PDIA4: variants seen among roughly 807,000 people sequenced by gnomAD.
PDIA4 encodes the protein protein disulfide-isomerase A4.
Under a neutral mutation model 62.1 loss-of-function variants are expected in PDIA4, and 33 were observed. The ratio of observed to expected loss-of-function variants is 0.53; its 90% CI spans 0.40 to 0.71. PDIA4 has a LOEUF of 0.71. PDIA4 is among the 30% of genes least tolerant of loss of function. The pLI is 0.00. For missense variants in PDIA4, 804 were observed against 813.6 expected (o/e 0.99, Z 0.14); for synonymous variants, 341 against 324.1 (o/e 1.05, Z -0.56).
At chr7:149,017,093 A>G (rs1824162480) in intron 3 of PDIA4, among the ~76,000 whole-genome samples, 1 of 152,152 alleles carries the variant, frequency 6.6e-6, no homozygotes, top group South Asian at 2.1e-4. Context: ...AAGGCCTGGC[A>G]AGGGCAAGGC....
chr7:149,022,960 T>C (rs1824407768), intron 1 of PDIA4, among the ~76,000 whole-genome samples: 2 of 152,200 alleles, frequency 1.3e-5, no homozygotes, highest in African/African-American at 4.8e-5. Context: ...ACTTGCACAT[T>C]CCTGTTTCAA....
chr7:149,004,659 G>A (rs905031276), intron 9 of PDIA4, among the ~76,000 whole-genome samples: 3 of 152,218 alleles, frequency 2.0e-5, no homozygotes, highest in Admixed American at 6.5e-5. Flanking sequence ...CAAGGTGGCC[G>A]AGGGTGAAGA....
chr7:149,025,551 G>C (rs536359061), intron 1 of PDIA4, among the ~76,000 whole-genome samples: 3 of 152,290 alleles, frequency 2.0e-5, no homozygotes, highest in African/African-American at 7.2e-5. Context: ...CCCCTTAAGG[G>C]AGACTGTATT....
rs558225446 is a variant in PDIA4, at chr7:149,005,435, CTG to C, written c.1289-63_1289-62del. 1,306 of 1,075,736 alleles carry C rather than the reference CTG, an allele frequency of 1.2e-3. 2 individuals carry two copies. Among genetic ancestry groups the C allele is most frequent in the Middle Eastern group, 8.4e-3 (42 of 5,008 alleles). 66.6% of individuals were successfully genotyped at this position (1,075,736 alleles called of 1,614,324 possible). ...CACAGAGCAAGTCCCAGCTCAGACTCTGAGGTCAGGCTTCAGGTCCTGTCGCT... is the reference window on the plus strand; with the variant it reads ...CACAGAGCAAGTCCCAGCTCAGACTCAGGTCAGGCTTCAGGTCCTGTCGCT... On this transcript the variant is annotated intron_variant, in intron 8 of 9. Transcript: ENST00000652332.
At chr7:149,024,561 A>C (rs1222843935) in intron 1 of PDIA4, among the ~76,000 whole-genome samples, 2 of 151,864 alleles carry the variant, frequency 1.3e-5, no homozygotes, top group African/African-American at 2.4e-5. Context: ...CCTGTAATCC[A>C]CGTGCTCCTC....
intron 3 of PDIA4, among the ~76,000 whole-genome samples, chr7:149,015,477 G>A (rs188262649): frequency 3.9e-5 from 5 of 127,002 alleles, no homozygotes; most frequent in African/African-American, 6.1e-5. Context: ...TATTACATAC[G>A]TCATAAGATG....
Position 149,003,114 on chromosome 7 carries a change from C to G in PDIA4, c.*680G>C, listed in dbSNP as rs1823598645. 1 of 169,398 alleles carries G rather than the reference C, an allele frequency of 5.9e-6. No individual in the cohort carries two copies. The highest frequency in any genetic ancestry group is 6.5e-5 in the Admixed American group (1 of 15,308). The allele number at this position is 169,398 out of a possible 1,614,324, so 10.5% of individuals were successfully genotyped here. On this transcript the variant is annotated 3_prime_UTR_variant, in exon 10 of 10. Coordinates refer to ENST00000652332, the MANE Select transcript of PDIA4 (RefSeq NM_004911.5). Reference sequence around the variant, plus strand: ...ATTGCCACAGCCTACTCTACCTTTTCTACCACCCCGCAGTATCTGCCTCTG... The same window carrying G: ...ATTGCCACAGCCTACTCTACCTTTTGTACCACCCCGCAGTATCTGCCTCTG...
chr7:149,006,685 G>T (rs890291986), intron 7 of PDIA4, among the ~76,000 whole-genome samples: 1 of 152,220 alleles, frequency 6.6e-6, no homozygotes, highest in East Asian at 1.9e-4. Flanking sequence ...GACTGAGGCA[G>T]GGCACGAGGC....
At chr7:149,007,452 G>C (rs1180780443) in intron 7 of PDIA4, among the ~76,000 whole-genome samples, 5 of 152,322 alleles carry the variant, frequency 3.3e-5, no homozygotes, top group African/African-American at 1.2e-4. Flanking sequence ...GGGGTGGGGG[G>C]TAGAGCTCAC....
Position 149,004,142 on chromosome 7 carries a change from CA to C in PDIA4, c.1589del (p.Val530GlyfsTer10). 6.2e-7 allele frequency: 1 copy of C among 1,614,142 alleles called. No homozygotes were observed. The highest frequency in any genetic ancestry group is 2.2e-5 in the East Asian group (1 of 44,884). On this transcript the variant is annotated frameshift_variant, in exon 10 of 10. Coordinates refer to ENST00000652332, the MANE Select transcript of PDIA4 (RefSeq NM_004911.5). LOFTEE classifies it high-confidence loss of function. ...CAATGGAGTCAAAGGTCTTTCCCACCACGACCTTGACGGGTCCCTTGTTGTT... is the reference window on the plus strand; with the variant it reads ...CAATGGAGTCAAAGGTCTTTCCCACCCGACCTTGACGGGTCCCTTGTTGTT... ...PKNNKGPVKV[V>X]VGKTFDSIVM...
At position 149,005,813 on chromosome 7, in the gene PDIA4, CA is replaced by C. The variant is rs1384686536; in HGVS notation, c.1288+83del. The stretch of plus-strand genomic sequence containing the variant: ...TGAGTGAGCCATGTACATACAGCCA[CA>C]CCTCCCCTCAACACTCCACCTTGCC... On this transcript the variant is annotated intron_variant, in intron 8 of 9. Coordinates refer to ENST00000652332, the MANE Select transcript of PDIA4 (RefSeq NM_004911.5). 2.6e-6 allele frequency: 3 copies of C among 1,139,038 alleles called. 1 individual carries two copies. Among genetic ancestry groups the C allele is most frequent in the Non-Finnish European group, 3.6e-6 (3 of 828,936 alleles). 70.6% of individuals were successfully genotyped at this position (1,139,038 alleles called of 1,614,324 possible).
chr7:149,020,874 C>G, intron 2 of PDIA4, 93 bp downstream of exon 2: 1 of 1,508,274 alleles, frequency 6.6e-7, no homozygotes, highest in East Asian at 2.4e-5. Context: ...GACACTCCTA[C>G]CCCACCCCCC....
Position 149,011,927 on chromosome 7 carries a change from G to A in PDIA4, c.898C>T (p.Leu300=), listed in dbSNP as rs1230520874. The change falls in exon 6 of 10, where the codon CTG becomes TTG. Residue 300 remains leucine (L), a synonymous_variant. Coordinates refer to ENST00000652332, the MANE Select transcript of PDIA4 (RefSeq NM_004911.5). The part of the protein sequence containing the change: ...ILTLKQVQEF[L]KDGDDVIIIG... The stretch of plus-strand genomic sequence containing the variant: ...ATGATGACATCGTCTCCATCCTTCA[G>A]GAACTCCTGGACCTGCTTCAGGGTC... 6.2e-7 allele frequency: 1 copy of A among 1,610,286 alleles called. No homozygotes were observed. Among genetic ancestry groups the A allele is most frequent in the East Asian group, 2.2e-5 (1 of 44,832 alleles).
chr7:149,004,562 T>G (rs1823675043), intron 9 of PDIA4, among the ~76,000 whole-genome samples: 1 of 152,228 alleles, frequency 6.6e-6, no homozygotes, highest in Non-Finnish European at 1.5e-5. Context: ...CGGAACAGCA[T>G]GGCCTGCCCA....
At chr7:149,020,386 G>A (rs1387820334) in intron 2 of PDIA4, among the ~76,000 whole-genome samples, 3 of 152,190 alleles carry the variant, frequency 2.0e-5, no homozygotes, top group African/African-American at 7.2e-5. Flanking sequence ...AGCAAAGCAG[G>A]GGTCATGAGA....
intron 6 of PDIA4, among the ~76,000 whole-genome samples, chr7:149,010,530 C>T (rs1349797019): frequency 2.0e-5 from 3 of 152,066 alleles, no homozygotes; most frequent in African/African-American, 7.2e-5. Context: ...ATCTAGATGG[C>T]GCCTGTTTTA....
intron 7 of PDIA4, 56 bp from the exon 8 acceptor site, chr7:149,006,109 G>A: frequency 4.6e-6 from 7 of 1,513,084 alleles, no homozygotes; most frequent in Non-Finnish European, 6.1e-6. Flanking sequence ...CATTGTTCTT[G>A]AGTACAATGT....
At chr7:149,008,864 C>T (rs954761471) in intron 6 of PDIA4, among the ~76,000 whole-genome samples, 3 of 152,116 alleles carry the variant, frequency 2.0e-5, no homozygotes, top group South Asian at 2.1e-4. Flanking sequence ...CAGTGGCTCA[C>T]GCCTGTAATC....
intron 4 of PDIA4, 82 bp downstream of exon 4, chr7:149,014,822 T>C: frequency 2.2e-6 from 3 of 1,376,472 alleles, no homozygotes; most frequent in South Asian, 1.3e-5. Flanking sequence ...CTGCTGTTCC[T>C]GCCTCACGGG....
Sources: gnomAD v4.1 joint callset for allele counts (sites outside exome capture counted in the v4.1 genomes callset) on GRCh38, gnomAD v4.1.1 for gene constraint, MANE v1.5 for transcripts, NCBI Gene and HGNC (gene_info 2026-07-23, HGNC 2026-07-21) for gene names.